Variants in ZC3H4 observed in about 807,000 individuals in gnomAD.
The protein encoded by ZC3H4 is zinc finger CCCH-type containing 4.
Under a neutral mutation model 108.3 loss-of-function variants are expected in ZC3H4, and 13 were observed. The ratio of observed to expected loss-of-function variants is 0.12; its 90% CI spans 0.08 to 0.19. The LOEUF (loss-of-function observed/expected upper bound fraction) is 0.19, where lower values mean the gene tolerates loss of function less well. Ranked by LOEUF, ZC3H4 falls within the 10% of genes least tolerant of loss-of-function variation. The pLI, the probability that ZC3H4 is intolerant of heterozygous loss-of-function variation, is 1.00. For synonymous variants in ZC3H4, 917 were observed against 749.6 expected (o/e 1.22, Z -3.65); for missense variants, 1,734 against 1,838.8 (o/e 0.94, Z 1.04).
rs376326334 is a variant in ZC3H4, at chr19:47,082,290, G to C, written c.1224C>G (p.Asp408Glu). 20 of 1,611,774 alleles carry C rather than the reference G, an allele frequency of 1.2e-5. No homozygotes were observed. The highest frequency in any genetic ancestry group is 1.7e-4 in the Middle Eastern group (1 of 6,060). The change falls in exon 10 of 15, where the codon GAC (aspartate) becomes GAG (glutamate). Residue 408 changes from aspartate (D) to glutamate (E), a missense_variant. By Grantham distance (45) the Asp-to-Glu change is conservative (BLOSUM62 2). Coordinates refer to ENST00000253048, the MANE Select transcript of ZC3H4 (RefSeq NM_015168.2). Reference sequence around the variant, plus strand: ...CGATGTCATGGCTAAAATTACAGTGGTCTCCCTAGAAGAGAAGCAACAAAA... The same window carrying C: ...CGATGTCATGGCTAAAATTACAGTGCTCTCCCTAGAAGAGAAGCAACAAAA... ...YFVEGRCTWG[D>E]HCNFSHDIEL...
rs2057634046 is a variant in ZC3H4 at position 47,086,656 on chromosome 19, C to A, written c.716-118G>T. The stretch of plus-strand genomic sequence containing the variant: ...CTTCAGCTGCCTCCTCCTCCTTCTC[C>A]TCCTCCTCCTCCTCCAAGAAGCCTT... On this transcript the variant is annotated intron_variant, in intron 5 of 14. Transcript: ENST00000253048. 7 of 1,419,852 alleles carry A rather than the reference C, an allele frequency of 4.9e-6. No individual in the cohort carries two copies. The Admixed American group carries it at 1.2e-4, about 25-fold the overall frequency. The allele number at this position is 1,419,852 out of a possible 1,614,324, so 88.0% of individuals were successfully genotyped here.
chr19:47,070,798 CTA>C (rs1353880768), intron 13 of ZC3H4, among the ~76,000 whole-genome samples: 1 of 152,204 alleles, frequency 6.6e-6, no homozygotes, highest in South Asian at 2.1e-4. Context: ...CCTAGAGTGA[CTA>C]TGCCGCACGT....
chr19:47,081,136 C>A (rs137978261), intron 11 of ZC3H4, among the ~76,000 whole-genome samples: 1 of 152,138 alleles, frequency 6.6e-6, no homozygotes, highest in African/African-American at 2.4e-5. Context: ...CTGAGCTCAA[C>A]TGATCCTCCT....
intron 5 of ZC3H4, among the ~76,000 whole-genome samples, chr19:47,089,739 G>A (rs553894428): frequency 6.6e-6 from 1 of 152,300 alleles, no homozygotes; most frequent in East Asian, 1.9e-4. Flanking sequence ...GACCTTTCGG[G>A]CACGCTGGCC....
rs574506165 is a variant in ZC3H4, at chr19:47,064,721, TAAAAAAAAAA to T, written c.*1625_*1634del. 4 of 113,126 alleles carry T rather than the reference TAAAAAAAAAA, an allele frequency of 3.5e-5. No individual in the cohort carries two copies. The highest frequency in any genetic ancestry group is 7.0e-5 in the African/African-American group (2 of 28,442). The allele number at this position is 113,126 out of a possible 1,614,324, so 7.0% of individuals were successfully genotyped here. On this transcript the variant is annotated 3_prime_UTR_variant, in exon 15 of 15. Coordinates refer to ENST00000253048, the MANE Select transcript of ZC3H4 (RefSeq NM_015168.2). ...AAGACAAATCTCATTAATGATTGTGTAAAAAAAAAAAAAAAAAAAAAGACAAAAAGACAAA... is the reference window on the plus strand; with the variant it reads ...AAGACAAATCTCATTAATGATTGTGTAAAAAAAAAAAGACAAAAAGACAAA...
chr19:47,084,593 CTAA>C, intron 8 of ZC3H4, 138 bp from the exon 9 acceptor site: 1 of 806,388 alleles, frequency 1.2e-6, no homozygotes, highest in South Asian at 1.6e-5. Flanking sequence ...CAGGCTGCAT[CTAA>C]CACGGAGGCT....
At chr19:47,112,966 C>T (rs1414251891) in intron 1 of ZC3H4, among the ~76,000 whole-genome samples, 1 of 150,792 alleles carries the variant, frequency 6.6e-6, no homozygotes, top group Non-Finnish European at 1.5e-5. Context: ...AAGAGGAGAG[C>T]GAGCGAGGGG....
chr19:47,077,055 T>C (rs1600014228), intron 11 of ZC3H4, among the ~76,000 whole-genome samples: 2 of 151,482 alleles, frequency 1.3e-5, no homozygotes, highest in Middle Eastern at 6.8e-3. Context: ...TAATCCCAGC[T>C]ACTCAAGAGG....
intron 2 of ZC3H4, among the ~76,000 whole-genome samples, 179 bp from the exon 3 acceptor site, chr19:47,094,787 C>G (rs1163444011): frequency 6.6e-6 from 1 of 152,210 alleles, no homozygotes; most frequent in Non-Finnish European, 1.5e-5. Flanking sequence ...CCTGAAAGAA[C>G]TGTGCTTGCT....
rs537214609 is a variant in ZC3H4 at position 47,086,522 on chromosome 19, G to A, written c.732C>T (p.Gly244=). The A allele has an allele frequency of 1.9e-6, 3 of 1,594,310 alleles. No homozygotes were observed. The highest frequency in any genetic ancestry group is 2.6e-6 in the Non-Finnish European group (3 of 1,175,042). Residue 244 remains glycine (G), a synonymous_variant, in exon 6 of 15, where the codon GGC becomes GGT. Transcript: ENST00000253048. ...GGCTTCCTCGGCCCCTGTAGCCCCG[G>A]CCCCGGCCTCGGCTGCCTGCATGGA... ...SSRGRGSRGR[G]RGYRGRGSRG...
chr19:47,069,577 G>A (rs1568530877), intron 13 of ZC3H4, among the ~76,000 whole-genome samples: 2 of 152,228 alleles, frequency 1.3e-5, no homozygotes, highest in Non-Finnish European at 2.9e-5. Context: ...CGCTTATGAG[G>A]TGGAAACAGG....
intron 10 of ZC3H4, among the ~76,000 whole-genome samples, chr19:47,081,982 C>T (rs2057532770): frequency 1.3e-5 from 2 of 152,120 alleles, no homozygotes; most frequent in Admixed American, 6.6e-5. Context: ...GCTCCATGTG[C>T]ATCTCAGTTT....
Position 47,071,766 on chromosome 19 carries a change from A to G in ZC3H4, c.2146+12T>C. 1 of 1,586,742 alleles carries G rather than the reference A, an allele frequency of 6.3e-7. No individual in the cohort carries two copies. The highest frequency in any genetic ancestry group is 8.6e-7 in the Non-Finnish European group (1 of 1,168,454). ...TGCAGCCCCAGGCAGCCACACCTGG[A>G]GTCCCGCATACCTGCATCCCCCAGG... On this transcript the variant is annotated intron_variant, in intron 13 of 14. Coordinates refer to ENST00000253048, the MANE Select transcript of ZC3H4 (RefSeq NM_015168.2).
At chr19:47,097,655 C>T (rs2057843619) in intron 2 of ZC3H4, among the ~76,000 whole-genome samples, 1 of 152,186 alleles carries the variant, frequency 6.6e-6, no homozygotes, top group Non-Finnish European at 1.5e-5. Flanking sequence ...CAGGTTTCAG[C>T]GATGCCACTT....
Position 47,064,298 on chromosome 19 carries a change from T to A in ZC3H4, c.*2058A>T, listed in dbSNP as rs1348354144. The A allele has an allele frequency of 5.2e-5, 8 of 152,424 alleles. No individual in the cohort carries two copies. The highest frequency in any genetic ancestry group is 1.7e-4 in the African/African-American group (7 of 41,350). The allele number at this position is 152,424 out of a possible 1,614,324, so 9.4% of individuals were successfully genotyped here. ...AGACAGATATGGAGTATAAAAAGGG[T>A]GTGAAATAGTCATGCGGCGATCATT... On this transcript the variant is annotated 3_prime_UTR_variant, in exon 15 of 15. Coordinates refer to ENST00000253048, the MANE Select transcript of ZC3H4 (RefSeq NM_015168.2).
intron 2 of ZC3H4, among the ~76,000 whole-genome samples, chr19:47,097,824 G>A (rs768548338): frequency 2.0e-5 from 3 of 152,290 alleles, no homozygotes; most frequent in Non-Finnish European, 2.9e-5. Flanking sequence ...AAGCAAGCAG[G>A]AGAAAAGCCT....
rs149929169 is a variant in ZC3H4 at position 47,065,783 on chromosome 19, C to G, written c.*573G>C. Reference sequence around the variant, plus strand: ...CCATAGTGCCGCTGGGGGCTTTTTCCTTAATACCTTTTCACTCTCACTGTC... The same window carrying G: ...CCATAGTGCCGCTGGGGGCTTTTTCGTTAATACCTTTTCACTCTCACTGTC... On this transcript the variant is annotated 3_prime_UTR_variant, in exon 15 of 15. Transcript: ENST00000253048. 1.2e-3 allele frequency: 180 copies of G among 152,658 alleles called. 1 individual carries two copies. The highest frequency in any genetic ancestry group is 4.5e-3 in the Admixed American group (69 of 15,298). The allele number at this position is 152,658 out of a possible 1,614,324, so 9.5% of individuals were successfully genotyped here. A position where few individuals can be genotyped will look rare whatever the true frequency, so the allele number is the denominator to read the frequency against.
Position 47,094,065 on chromosome 19 carries a change from TAGA to T in ZC3H4, c.394_396del (p.Ser133del), listed in dbSNP as rs1311051368. 3 of 1,614,138 alleles carry T rather than the reference TAGA, an allele frequency of 1.9e-6. No individual in the cohort carries two copies. The highest frequency in any genetic ancestry group is 2.5e-6 in the Non-Finnish European group (3 of 1,180,008). On this transcript the variant is annotated inframe_deletion, in exon 4 of 15. Coordinates refer to ENST00000253048, the MANE Select transcript of ZC3H4 (RefSeq NM_015168.2). The stretch of plus-strand genomic sequence containing the variant: ...TCTGAGAAGTCAGAGAAGTCATCGC[TAGA>T]AGAAGCATGGCGCTGTAATGACAGG...
intron 2 of ZC3H4, among the ~76,000 whole-genome samples, chr19:47,095,937 T>A (rs1475042692): frequency 1.3e-5 from 2 of 152,136 alleles, no homozygotes; most frequent in Non-Finnish European, 2.9e-5. Flanking sequence ...AATGGAGCTA[T>A]CTCTGCGGAA....
Sources: allele counts gnomAD v4.1 joint callset (sites outside exome capture counted in the v4.1 genomes callset), GRCh38; gene constraint gnomAD v4.1.1; transcripts MANE v1.5; gene names NCBI Gene and HGNC (gene_info 2026-07-23, HGNC 2026-07-21).